STK31: variants seen among roughly 807,000 people sequenced by gnomAD.
STK31 encodes serine/threonine kinase 31.
Under a neutral mutation model 129.7 loss-of-function variants are expected in STK31, and 89 were observed. That is an observed-to-expected ratio of 0.69 (90% CI 0.58 to 0.82). The LOEUF (loss-of-function observed/expected upper bound fraction) is 0.82. STK31 is among the 40% of genes least tolerant of loss of function. STK31 has a pLI of 0.00. For synonymous variants in STK31, 448 were observed against 395.3 expected, an observed-to-expected ratio of 1.13 and a Z score of -1.58; for missense variants, 1,187 against 1,176.4, an observed-to-expected ratio of 1.01 and a Z score of -0.13.
At chr7:23,730,889 T>C (rs1257195437) in intron 6 of STK31, among the ~76,000 whole-genome samples, 1 of 128,238 alleles carries the variant, frequency 7.8e-6, no homozygotes, top group African/African-American at 2.8e-5. Flanking sequence ...TTTTTTTTTT[T>C]TTTTTTTGGT....
chr7:23,760,652 A>T (rs762849351), intron 10 of STK31, among the ~76,000 whole-genome samples: 37 of 152,128 alleles, frequency 2.4e-4, no homozygotes, highest in Non-Finnish European at 4.9e-4. Flanking sequence ...GTAATTTTTT[A>T]AAATTAAAAA....
At chr7:23,797,264 C>T (rs1447361766) in intron 22 of STK31, among the ~76,000 whole-genome samples, 1 of 152,124 alleles carries the variant, frequency 6.6e-6, no homozygotes, top group East Asian at 1.9e-4. Context: ...ACCAAGTGGA[C>T]CTAATAGACA....
chr7:23,758,366 C>A (rs7807397), intron 10 of STK31, among the ~76,000 whole-genome samples: 78,360 of 151,860 alleles, frequency 0.52, 20,492 homozygotes, highest in East Asian at 0.62. Context: ...CTCTCTTCTT[C>A]TTAGTCTAGC....
chr7:23,771,369 A>G (rs1790183025), intron 14 of STK31: 1 of 278,692 alleles, frequency 3.6e-6, no homozygotes, highest in Non-Finnish European at 6.6e-6. Flanking sequence ...GTATGAGTCT[A>G]CTGTAGATAA....
At chr7:23,730,878 A>ATATATATTTTTTTGTTTTTT in intron 6 of STK31, among the ~76,000 whole-genome samples, 1 of 59,554 alleles carries the variant, frequency 1.7e-5, no homozygotes, top group Non-Finnish European at 3.3e-5. Context: ...ATATATATAT[A>ATATATATTTTTTTGTTTTTT]TTTTTTTTTT....
intron 23 of STK31, among the ~76,000 whole-genome samples, chr7:23,824,513 T>C (rs1793988642): frequency 6.6e-6 from 1 of 152,056 alleles, no homozygotes; most frequent in Non-Finnish European, 1.5e-5. Context: ...GATGATGGGG[T>C]TTTCTAGATA....
chr7:23,721,454 A>AT (rs35195302), intron 4 of STK31: 157,272 of 1,006,154 alleles, frequency 0.16, 13,632 homozygotes, highest in Non-Finnish European at 0.18. Context: ...GTTATCTTCC[A>AT]TTTTTTCATC....
chr7:23,786,559 A>C lies in STK31; in HGVS notation c.2326A>C (p.Thr776Pro). Residue 776 changes from threonine (T) to proline (P), a missense_variant, in exon 19 of 24, where the codon ACC (threonine) becomes CCC (proline). Around this residue, in one of 5 missense-constraint regions of STK31, gnomAD observed 975 missense variants for 934.9 expected, o/e 1.04. Transcript: ENST00000355870. The part of the protein sequence containing the change: ...TEAKVIERAA[T>P]YHRAWREAEG... ...AGCCAAGGTGATTGAGAGAGCAGCC[A>C]CCTACCATAGAGCTTGGAGAGAAGC... 1 of 1,613,804 alleles carries C rather than the reference A, an allele frequency of 6.2e-7. No homozygotes were observed. Among genetic ancestry groups the C allele is most frequent in the Non-Finnish European group, 8.5e-7 (1 of 1,179,834 alleles).
chr7:23,828,661 G>C (rs941803959), intron 23 of STK31, among the ~76,000 whole-genome samples: 3 of 152,224 alleles, frequency 2.0e-5, no homozygotes, highest in African/African-American at 7.2e-5. Flanking sequence ...TGGAAATGCA[G>C]AAATCACCCG....
At chr7:23,721,142 A>T (rs1168541680) in intron 4 of STK31, among the ~76,000 whole-genome samples, 1 of 152,192 alleles carries the variant, frequency 6.6e-6, no homozygotes, top group Non-Finnish European at 1.5e-5. Flanking sequence ...ATTTTATAAA[A>T]GGGATTCTTT....
chr7:23,761,630 G>A lies in STK31; in HGVS notation c.1294-1171G>A, dbSNP rs1356414144. Among the ~76,000 whole-genome samples the A allele has an allele frequency of 3.3e-5, 5 of 150,446 alleles. No individual in the cohort carries two copies. The South Asian group carries it at 1.0e-3, about 31-fold the overall frequency. On this transcript the variant is annotated intron_variant, in intron 10 of 23. Coordinates refer to ENST00000355870, the MANE Select transcript of STK31 (RefSeq NM_031414.5). ...AGAGATGGGGTTTCACCATGGTCTC[G>A]ATCTCCTGACCTCATGATCCGCCTG...
intron 22 of STK31, among the ~76,000 whole-genome samples, chr7:23,792,793 A>G (rs1791720924): frequency 6.6e-6 from 1 of 152,200 alleles, no homozygotes; most frequent in South Asian, 2.1e-4. Flanking sequence ...AGGCTGATGC[A>G]GGAGGATTGC....
chr7:23,786,964 A>T, intron 20 of STK31, 40 bp downstream of exon 20: 2 of 1,569,748 alleles, frequency 1.3e-6, no homozygotes, highest in Non-Finnish European at 1.7e-6. Flanking sequence ...GATGTATTAA[A>T]TGAGAAAATA....
At chr7:23,821,857 A>G (rs1345388027) in intron 23 of STK31, among the ~76,000 whole-genome samples, 2 of 151,520 alleles carry the variant, frequency 1.3e-5, no homozygotes, top group East Asian at 3.9e-4. Flanking sequence ...GTCTACTCTT[A>G]CTCTTTTGCG....
intron 11 of STK31, among the ~76,000 whole-genome samples, chr7:23,767,141 G>T (rs1303407855): frequency 1.3e-5 from 2 of 151,994 alleles, no homozygotes; most frequent in Non-Finnish European, 2.9e-5. Flanking sequence ...TATTTATTAT[G>T]CTTATTTTTG....
intron 8 of STK31, among the ~76,000 whole-genome samples, chr7:23,747,436 G>C (rs984960353): frequency 5.9e-5 from 9 of 152,152 alleles, no homozygotes; most frequent in African/African-American, 2.2e-4. Flanking sequence ...GTGGCGCGAT[G>C]TCTGCTCACT....
intron 1 of STK31, among the ~76,000 whole-genome samples, chr7:23,711,312 C>G (rs968323253): frequency 6.6e-6 from 1 of 151,862 alleles, no homozygotes; most frequent in Non-Finnish European, 1.5e-5. Flanking sequence ...TGTCACGCGC[C>G]GGTAATCTCA....
At chr7:23,830,090 C>G (rs887290205) in intron 23 of STK31, among the ~76,000 whole-genome samples, 4 of 151,858 alleles carry the variant, frequency 2.6e-5, no homozygotes, top group African/African-American at 9.6e-5. Context: ...GCTGGGACTA[C>G]AGGCGCCCGC....
chr7:23,795,331 G>T (rs997324369), intron 22 of STK31, among the ~76,000 whole-genome samples: 10 of 152,232 alleles, frequency 6.6e-5, no homozygotes, highest in African/African-American at 2.4e-4. Context: ...CATGTGGTTT[G>T]AGCCTGAAGG....
Sources: allele counts gnomAD v4.1 joint callset (sites outside exome capture counted in the v4.1 genomes callset), GRCh38; gene constraint gnomAD v4.1.1; regional missense constraint gnomAD v4.1.1; transcripts MANE v1.5; gene names NCBI Gene and HGNC (gene_info 2026-07-23, HGNC 2026-07-21).